Variants in TRAK1 observed in about 807,000 individuals in gnomAD.
TRAK1 encodes the protein trafficking kinesin protein 1.
Under a neutral mutation model 92.1 loss-of-function variants are expected in TRAK1, and 33 were observed. The observed-to-expected ratio is 0.36, with a 90% CI of 0.27 to 0.48. The LOEUF (loss-of-function observed/expected upper bound fraction) is 0.48, where lower values mean the gene tolerates loss of function less well. TRAK1 is among the 20% of genes least tolerant of loss of function. The pLI, the probability that TRAK1 is intolerant of heterozygous loss-of-function variation, is 0.99. For synonymous variants in TRAK1, 521 were observed against 517.3 expected (o/e 1.01, Z -0.10); for missense variants, 1,123 against 1,257.9 (o/e 0.89, Z 1.62).
rs1407403648 is a variant in TRAK1, at chr3:42,138,874, GGGGTGTGTGTGTGTGTGTGTGTGT to G, written c.286+13262_286+13285del. On this transcript the variant is annotated intron_variant, in intron 2 of 15. Coordinates refer to ENST00000327628, the MANE Select transcript of TRAK1 (RefSeq NM_001042646.3). Reference sequence around the variant, plus strand: ...GGTGGTGACCTAAAAGAAAGCATAGGGGGTGTGTGTGTGTGTGTGTGTGTGTGTGTGTGTGTGTGTGTGTGTGTG... The same window carrying G: ...GGTGGTGACCTAAAAGAAAGCATAGGGTGTGTGTGTGTGTGTGTGTGTGTG... 9.8e-5 allele frequency among the ~76,000 whole-genome samples: 5 copies of G among 51,058 alleles called. No individual in the cohort carries two copies. In the East Asian group the frequency reaches 3.2e-3, roughly 32 times the overall value. The allele number at this position is 51,058 out of a possible 152,430, so 33.5% of individuals were successfully genotyped here.
chr3:42,149,551 G>A (rs1035868733), intron 2 of TRAK1: 21 of 1,535,930 alleles, frequency 1.4e-5, no homozygotes, highest in African/African-American at 4.1e-5. Flanking sequence ...GAAATTTATC[G>A]AAGCGGATTA....
chr3:42,054,017 A>G, intron 1 of TRAK1, among the ~76,000 whole-genome samples: 1 of 152,206 alleles, frequency 6.6e-6, no homozygotes, highest in East Asian at 1.9e-4. Context: ...TAAGACCAAC[A>G]TCGTGGAGTC....
chr3:42,060,448 C>T (rs1386053079), intron 1 of TRAK1, among the ~76,000 whole-genome samples: 1 of 151,918 alleles, frequency 6.6e-6, no homozygotes, highest in African/African-American at 2.4e-5. Flanking sequence ...AGAGACGGGG[C>T]AGCTTTGAAA....
chr3:42,052,762 C>G (rs1703033144), intron 1 of TRAK1, among the ~76,000 whole-genome samples: 1 of 152,054 alleles, frequency 6.6e-6, no homozygotes, highest in East Asian at 1.9e-4. Flanking sequence ...CCATTGTATG[C>G]ATTGTTCTGT....
intron 1 of TRAK1, 37 bp from the exon 2 acceptor site, chr3:42,125,383 T>C: frequency 6.3e-7 from 1 of 1,598,710 alleles, no homozygotes; most frequent in Non-Finnish European, 8.5e-7. Flanking sequence ...GCCATAGCCA[T>C]TTCTGGGCTC....
At position 42,136,438 on chromosome 3, in the gene TRAK1, A is replaced by G. The variant is rs552619864; in HGVS notation, c.286+10824A>G. ...CAAGGCATTTGAGACCAAGCTGGGCAACATAGGGAAACCCCCATCACTATA... is the reference window on the plus strand; with the variant it reads ...CAAGGCATTTGAGACCAAGCTGGGCGACATAGGGAAACCCCCATCACTATA... On this transcript the variant is annotated intron_variant, in intron 2 of 15. Transcript: ENST00000327628. Among the ~76,000 whole-genome samples the G allele has an allele frequency of 2.3e-4, 35 of 152,222 alleles. 1 individual carries two copies. In the South Asian group the frequency reaches 6.8e-3, roughly 30 times the overall value.
rs1490477185 is a variant in TRAK1, at chr3:42,202,499, G to A, written c.1491G>A (p.Thr497=). Residue 497 remains threonine, a synonymous_variant, in exon 13 of 16, where the codon ACG becomes ACA. Transcript: ENST00000327628. The surrounding 1 kb of genome is among the most constrained non-coding windows in gnomAD (Gnocchi z 6.1). ...PGTPGSHDLE[T]ALRRLSLRRE... ...CCCCAGGCTCCCACGACCTGGAGAC[G>A]GCGCTGAGGCGGCTGTCCCTGCGCC... is the stretch of plus-strand genomic sequence containing the variant. 1 of 1,506,996 alleles carries A rather than the reference G, an allele frequency of 6.6e-7. No individual in the cohort carries two copies. The highest frequency in any genetic ancestry group is 2.3e-5 in the East Asian group (1 of 43,204). 93.4% of individuals were successfully genotyped at this position (1,506,996 alleles called of 1,614,324 possible).
At chr3:42,136,710 T>C (rs1576552090) in intron 2 of TRAK1, among the ~76,000 whole-genome samples, 1 of 152,168 alleles carries the variant, frequency 6.6e-6, no homozygotes, top group Admixed American at 6.5e-5. Flanking sequence ...TGAGATGAAG[T>C]CTGGCTCTGT....
At chr3:42,117,496 C>G (rs1051303016) in intron 1 of TRAK1, among the ~76,000 whole-genome samples, 1 of 152,068 alleles carries the variant, frequency 6.6e-6, no homozygotes, top group African/African-American at 2.4e-5. Context: ...CTCTTTCTCT[C>G]TCCTGTCTTT....
At position 42,200,859 on chromosome 3, in the gene TRAK1, A is replaced by G. The variant is rs1376668099; in HGVS notation, c.1232A>G (p.Gln411Arg). 6.2e-7 allele frequency: 1 copy of G among 1,614,180 alleles called. No homozygotes were observed. Among genetic ancestry groups the G allele is most frequent in the South Asian group, 1.1e-5 (1 of 91,082 alleles). The stretch of plus-strand genomic sequence containing the variant: ...TTTGAGACAGTAAGAAACATCAACC[A>G]GGTTGTCAAGCAGAGATCTCTGACC... ...RVFETVRNIN[Q>R]VVKQRSLTPS... The change falls in exon 12 of 16, where the codon CAG (glutamine) becomes CGG (arginine). Residue 411 changes from glutamine to arginine, a missense_variant. Gln to Arg is a conservative substitution (Grantham distance 43). Transcript: ENST00000327628.
intron 2 of TRAK1, among the ~76,000 whole-genome samples, chr3:42,145,347 G>A (rs929431825): frequency 1.3e-5 from 2 of 152,150 alleles, no homozygotes; most frequent in Non-Finnish European, 2.9e-5. Context: ...TTAGCTGGGT[G>A]TGGTGGCACA....
chr3:42,209,968 A>G lies in TRAK1; in HGVS notation c.1946A>G (p.Gln649Arg), dbSNP rs779833951. The G allele has an allele frequency of 2.4e-5, 39 of 1,614,220 alleles. No individual in the cohort carries two copies. The highest frequency in any genetic ancestry group is 3.1e-5 in the Non-Finnish European group (36 of 1,180,038). The change falls in exon 14 of 16, where the codon CAG becomes CGG. Residue 649 changes from glutamine to arginine, a missense_variant. Transcript: ENST00000327628. Reference sequence around the variant, plus strand: ...CGCCTAGCTACCTCCACTCCAGTTCAGCACCCAGAGACCTCAGGTGAGAGG... The same window carrying G: ...CGCCTAGCTACCTCCACTCCAGTTCGGCACCCAGAGACCTCAGGTGAGAGG... The part of the protein sequence containing the change: ...LPRLATSTPV[Q>R]HPETSAHHPG...
At chr3:42,016,881 C>T (rs1457787474) in intron 1 of TRAK1, among the ~76,000 whole-genome samples, 1 of 152,220 alleles carries the variant, frequency 6.6e-6, no homozygotes, top group South Asian at 2.1e-4. Flanking sequence ...GAGCTTAATA[C>T]TGTATGGTCG....
At chr3:42,104,064 C>G (rs560553392) in intron 1 of TRAK1, among the ~76,000 whole-genome samples, 1 of 152,344 alleles carries the variant, frequency 6.6e-6, no homozygotes, top group Admixed American at 6.5e-5. Flanking sequence ...CGGAACCTCA[C>G]TCACTGCTAG....
At chr3:42,068,091 G>A (rs1003052070) in intron 1 of TRAK1, among the ~76,000 whole-genome samples, 1 of 151,482 alleles carries the variant, frequency 6.6e-6, no homozygotes, top group African/African-American at 2.4e-5. Context: ...CCTGGGAGGC[G>A]GAGGTTGCAG....
At chr3:42,039,204 T>C (rs973666005) in intron 1 of TRAK1, among the ~76,000 whole-genome samples, 4 of 152,206 alleles carry the variant, frequency 2.6e-5, no homozygotes, top group African/African-American at 9.6e-5. Flanking sequence ...TGTGTTTGGC[T>C]TCTTTCACTT....
chr3:42,213,796 C>G (rs1709357751), intron 14 of TRAK1, among the ~76,000 whole-genome samples: 1 of 152,128 alleles, frequency 6.6e-6, no homozygotes, highest in African/African-American at 2.4e-5. Flanking sequence ...AAGTTCCTTC[C>G]CATTGTCTAC....
intron 2 of TRAK1, among the ~76,000 whole-genome samples, chr3:42,134,238 C>T (rs112537417): frequency 2.5e-3 from 53 of 21,560 alleles, no homozygotes; most frequent in African/African-American, 0.011. Context: ...CCCCTTCCCT[C>T]CCCTCCCCTT....
chr3:42,168,958 C>A (rs113131952), intron 2 of TRAK1, among the ~76,000 whole-genome samples: 140 of 152,132 alleles, frequency 9.2e-4, no homozygotes, highest in Non-Finnish European at 1.6e-3. Flanking sequence ...CAAGTAGCTG[C>A]GATTAAAGGC....
Sources: allele counts gnomAD v4.1 joint callset (sites outside exome capture counted in the v4.1 genomes callset), GRCh38; gene constraint gnomAD v4.1.1; non-coding constraint Gnocchi (gnomAD v3.1); transcripts MANE v1.5; gene names NCBI Gene and HGNC (gene_info 2026-07-23, HGNC 2026-07-21).